FREM3: variants seen among roughly 807,000 people sequenced by gnomAD.
The protein encoded by FREM3 is FRAS1 related extracellular matrix 3.
A neutral mutation model predicts 129.1 loss-of-function variants in FREM3; 105 were observed. That is an observed-to-expected ratio of 0.81 (90% CI 0.69 to 0.96). The LOEUF (loss-of-function observed/expected upper bound fraction) is 0.96. FREM3 is among the 40% of genes least tolerant of loss of function. FREM3 has a pLI of 0.00. For missense variants in FREM3, 2,593 were observed against 2,666.3 expected (o/e 0.97, Z 0.61); for synonymous variants, 1,014 against 1,044.9 (o/e 0.97, Z 0.57).
chr4:143,620,888 G>A (rs1053963275), intron 5 of FREM3, 149 bp downstream of exon 5: 2 of 689,420 alleles, frequency 2.9e-6, no homozygotes, highest in African/African-American at 3.6e-5. Flanking sequence ...GTCAGGAAAG[G>A]GGGTTCGCAG....
In FREM3 at chr4:143,697,921, CT is replaced by C; in HGVS notation, c.2754del (p.Val919Ter). Reference protein sequence around the residue: ...QTTTSDTFHLEVSDGVHHIPI... With the variant: ...QTTTSDTFHLXVSDGVHHIPI... ...GGTATATGGTGCACCCCATCACTTA[CT>C]TCCAGATGGAAAGTGTCACTGGTAG... On this transcript the variant is annotated frameshift_variant, in exon 1 of 8. Transcript: ENST00000329798. LOFTEE classifies it high-confidence loss of function. The C allele has an allele frequency of 6.5e-7, 1 of 1,537,906 alleles. No individual in the cohort carries two copies. Among genetic ancestry groups the C allele is most frequent in the African/African-American group, 1.4e-5 (1 of 73,162 alleles).
At chr4:143,595,958 G>T (rs770976084) in intron 6 of FREM3, among the ~76,000 whole-genome samples, 2 of 150,758 alleles carry the variant, frequency 1.3e-5, no homozygotes, top group South Asian at 4.2e-4. Context: ...AAGGTGCTAT[G>T]TCTTTAAAAA....
At chr4:143,619,129 A>G (rs1738904523) in intron 5 of FREM3, among the ~76,000 whole-genome samples, 1 of 152,150 alleles carries the variant, frequency 6.6e-6, no homozygotes, top group African/African-American at 2.4e-5. Flanking sequence ...TGAGTGCCCA[A>G]AGAGTGATCT....
At chr4:143,624,078 TA>T in intron 4 of FREM3, 29 bp downstream of exon 4, 1 of 1,313,690 alleles carries the variant, frequency 7.6e-7, no homozygotes, top group Non-Finnish European at 1.1e-6. Flanking sequence ...CTGTACTGGT[TA>T]ATAAAGCAAA....
At chr4:143,689,485 G>C (rs1312472785) in intron 2 of FREM3, among the ~76,000 whole-genome samples, 1 of 152,124 alleles carries the variant, frequency 6.6e-6, no homozygotes, top group Non-Finnish European at 1.5e-5. Context: ...ATTCCTTAAA[G>C]AGCTAGAAGT....
At position 143,585,768 on chromosome 4, in the gene FREM3, G is replaced by T. The variant is rs1237117174; in HGVS notation, c.6178+76C>A. On this transcript the variant is annotated intron_variant, in intron 7 of 7. Transcript: ENST00000329798. This position sits in a 1 kb window ranked among gnomAD's most constrained non-coding sequence, Gnocchi z 4.2. Reference sequence around the variant, plus strand: ...GAGTCCATCAACAAAGACTAAGCATGCTTACACTTAACAGACTAGACTCCA... The same window carrying T: ...GAGTCCATCAACAAAGACTAAGCATTCTTACACTTAACAGACTAGACTCCA... 1 of 1,417,472 alleles carries T rather than the reference G, an allele frequency of 7.1e-7. No individual in the cohort carries two copies. Among genetic ancestry groups the T allele is most frequent in the African/African-American group, 1.4e-5 (1 of 70,462 alleles). The allele number at this position is 1,417,472 out of a possible 1,614,324, so 87.8% of individuals were successfully genotyped here. A position where few individuals can be genotyped will look rare whatever the true frequency, so the allele number is the denominator to read the frequency against.
chr4:143,698,144 G>C lies in FREM3; in HGVS notation c.2532C>G (p.Ser844Arg). The change falls in exon 1 of 8, where the codon AGC becomes AGG. Residue 844 changes from serine (S) to arginine (R), a missense_variant. Around this residue, in one of 2 missense-constraint regions of FREM3, gnomAD observed 2,276 missense variants for 2,267.2 expected, o/e 1.00. Coordinates refer to ENST00000329798, the MANE Select transcript of FREM3 (RefSeq NM_001168235.2). Reference sequence around the variant, plus strand: ...GCAGCTCATTACTGCTGAGGTTAAAGCTGCCTCCCTCTAAGATAGCAAAGC... The same window carrying C: ...GCAGCTCATTACTGCTGAGGTTAAACCTGCCTCCCTCTAAGATAGCAAAGC... The part of the protein sequence containing the change: ...NRGFAILEGG[S>R]FNLSSNELHV... 2.0e-6 allele frequency: 3 copies of C among 1,537,488 alleles called. No homozygotes were observed. Among genetic ancestry groups the C allele is most frequent in the Non-Finnish European group, 2.6e-6 (3 of 1,146,962 alleles).
intron 2 of FREM3, among the ~76,000 whole-genome samples, chr4:143,688,092 A>G (rs1029274848): frequency 6.6e-6 from 1 of 152,174 alleles, no homozygotes; most frequent in African/African-American, 2.4e-5. Flanking sequence ...TGCTGACGCT[A>G]TGATCATTTA....
At chr4:143,662,496 C>T (rs532081257) in intron 2 of FREM3, among the ~76,000 whole-genome samples, 4 of 149,782 alleles carry the variant, frequency 2.7e-5, no homozygotes, top group Middle Eastern at 3.4e-3. Context: ...CTGAGGAGAG[C>T]TTTACTTCCA....
In FREM3 at chr4:143,686,960, A is replaced by G. The variant is rs574679994; in HGVS notation, c.5275+6153T>C. ...ACCCAAACCCAAACCCAGCAAAAGA[A>G]AGGCAATAACCAAGATCAGAGCAGA... On this transcript the variant is annotated intron_variant, in intron 2 of 7. Transcript: ENST00000329798. 2.0e-5 allele frequency among the ~76,000 whole-genome samples: 3 copies of G among 152,266 alleles called. No individual in the cohort carries two copies. The East Asian group carries it at 5.8e-4, about 29-fold the overall frequency.
chr4:143,631,321 A>G (rs894174225), intron 2 of FREM3, among the ~76,000 whole-genome samples: 14 of 151,242 alleles, frequency 9.3e-5, no homozygotes, highest in African/African-American at 3.2e-4. Flanking sequence ...TTGTGTTATT[A>G]TAATGCTGTA....
intron 5 of FREM3, among the ~76,000 whole-genome samples, chr4:143,612,500 A>G (rs1419646909): frequency 3.3e-5 from 5 of 152,180 alleles, no homozygotes; most frequent in African/African-American, 9.6e-5. Flanking sequence ...AGTTCTTGGC[A>G]ATTGTGAGTA....
intron 6 of FREM3, chr4:143,602,082 A>G (rs1422732809): frequency 6.6e-6 from 1 of 152,166 alleles, no homozygotes; most frequent in African/African-American, 2.4e-5. Flanking sequence ...TGACTCTCCT[A>G]AAAAGGAAGC....
At chr4:143,672,662 T>C (rs1740021328) in intron 2 of FREM3, among the ~76,000 whole-genome samples, 1 of 152,230 alleles carries the variant, frequency 6.6e-6, no homozygotes, top group Admixed American at 6.5e-5. Flanking sequence ...GGGGAAGTTC[T>C]CCTGGATAAT....
intron 2 of FREM3, among the ~76,000 whole-genome samples, chr4:143,646,532 A>G (rs1739419769): frequency 6.6e-6 from 1 of 152,134 alleles, no homozygotes; most frequent in Non-Finnish European, 1.5e-5. Context: ...ATAATGAATG[A>G]GTTCTCACAA....
chr4:143,667,802 C>T (rs892619215), intron 2 of FREM3, among the ~76,000 whole-genome samples: 4 of 152,254 alleles, frequency 2.6e-5, no homozygotes, highest in African/African-American at 9.6e-5. Context: ...AAACATTTTC[C>T]CTAGCTAGTC....
intron 6 of FREM3, among the ~76,000 whole-genome samples, chr4:143,606,799 T>A (rs1172777984): frequency 6.6e-6 from 1 of 152,148 alleles, no homozygotes; most frequent in African/African-American, 2.4e-5. Flanking sequence ...AAGGATTTTT[T>A]TTTATGTATT....
Position 143,611,289 on chromosome 4 carries a change from A to G in FREM3, c.6018T>C (p.Asp2006=). 6.5e-7 allele frequency: 1 copy of G among 1,536,382 alleles called. No homozygotes were observed. The highest frequency in any genetic ancestry group is 8.7e-7 in the Non-Finnish European group (1 of 1,146,306). The change falls in exon 6 of 8, where the codon GAT becomes GAC. Residue 2006 remains aspartate (D), a synonymous_variant. Transcript: ENST00000329798. ...FPTTKVTILA[D]RYDEPVLHFG... ...AACAAATGGACTTACCATCATAACG[A>G]TCAGCCAGAATAGTCACCTTAGTGG...
intron 6 of FREM3, chr4:143,601,672 A>G (rs1738574806): frequency 6.6e-6 from 1 of 152,174 alleles, no homozygotes; most frequent in African/African-American, 2.4e-5. Context: ...TTCACTCAGC[A>G]AACATTTATT....
Sources: gnomAD v4.1 joint callset for allele counts (sites outside exome capture counted in the v4.1 genomes callset) on GRCh38, gnomAD v4.1.1 for gene constraint, gnomAD v4.1.1 regional missense constraint, Gnocchi (gnomAD v3.1) non-coding constraint, MANE v1.5 for transcripts, NCBI Gene and HGNC (gene_info 2026-07-23, HGNC 2026-07-21) for gene names.